Variants in CCDC33 observed in about 807,000 individuals in gnomAD.
CCDC33 encodes coiled-coil domain-containing protein 33.
A neutral mutation model predicts 91.9 loss-of-function variants in CCDC33; 94 were observed. The ratio of observed to expected loss-of-function variants is 1.02; its 90% CI spans 0.87 to 1.21. The LOEUF (loss-of-function observed/expected upper bound fraction) is 1.21. Among genes scored for constraint, CCDC33 ranks in the 50% most tolerant of loss-of-function variants. The pLI, the probability that CCDC33 is intolerant of heterozygous loss-of-function variation, is 0.00. For missense variants in CCDC33, 940 were observed against 935.5 expected (o/e 1.00, Z -0.06); for synonymous variants, 396 against 374.5 (o/e 1.06, Z -0.66).
At chr15:74,216,914 G>A (rs907020024), upstream of CCDC33, among the ~76,000 whole-genome samples, 1 of 151,918 alleles carries the variant, frequency 6.6e-6, no homozygotes, top group African/African-American at 2.4e-5. Flanking sequence ...TCCATATTTA[G>A]TGTTTATTTT....
intron 7 of CCDC33, among the ~76,000 whole-genome samples, chr15:74,275,963 C>T (rs1048245996): frequency 1.3e-5 from 2 of 152,212 alleles, no homozygotes; most frequent in Admixed American, 6.5e-5. Context: ...GGCACCGCAC[C>T]CAGCAGCACC....
chr15:74,261,736 A>G (rs1325078341), intron 2 of CCDC33, among the ~76,000 whole-genome samples: 1 of 152,124 alleles, frequency 6.6e-6, no homozygotes, highest in East Asian at 1.9e-4. Context: ...TGGGATGCAG[A>G]GGGCCCAAGC....
chr15:74,330,444 A>C, intron 12 of CCDC33, 90 bp downstream of exon 12: 1 of 1,392,078 alleles, frequency 7.2e-7, no homozygotes, highest in East Asian at 2.5e-5. Context: ...AGCTTCTCCC[A>C]GATGTGCATG....
chr15:74,234,687 G>A (rs763800833), upstream of CCDC33, among the ~76,000 whole-genome samples: 1 of 152,236 alleles, frequency 6.6e-6, no homozygotes, highest in Non-Finnish European at 1.5e-5. Context: ...CAGGAAGATG[G>A]CAGGGGCGTG....
chr15:74,285,592 G>A (rs980756281), intron 10 of CCDC33, among the ~76,000 whole-genome samples: 1 of 151,902 alleles, frequency 6.6e-6, no homozygotes, highest in Non-Finnish European at 1.5e-5. Context: ...ACCTCAGCAA[G>A]CCTCCTACAT....
At chr15:74,291,325 T>A (rs74481515) in intron 10 of CCDC33, among the ~76,000 whole-genome samples, 2 of 152,264 alleles carry the variant, frequency 1.3e-5, no homozygotes, top group Admixed American at 6.5e-5. Context: ...GGGGAACTGC[T>A]GCACAGGGCT....
At chr15:74,235,892 C>T (rs932631238), upstream of CCDC33, among the ~76,000 whole-genome samples, 2 of 152,238 alleles carry the variant, frequency 1.3e-5, no homozygotes, top group African/African-American at 2.4e-5. Context: ...CTCTTACCCT[C>T]TTCTCTCCCC....
chr15:74,221,729 G>T (rs1376084873), intron 2 of CCDC33, among the ~76,000 whole-genome samples: 1 of 152,138 alleles, frequency 6.6e-6, no homozygotes, highest in African/African-American at 2.4e-5. Context: ...GCAGGCAGGG[G>T]CTGCAGAGGG....
intron 10 of CCDC33, among the ~76,000 whole-genome samples, chr15:74,292,570 C>T (rs895508237): frequency 3.9e-5 from 6 of 152,172 alleles, no homozygotes; most frequent in African/African-American, 1.4e-4. Flanking sequence ...GTTTGGAGGT[C>T]TAAAGATTTC....
At chr15:74,270,568 G>T (rs2076286436) in intron 5 of CCDC33, among the ~76,000 whole-genome samples, 1 of 152,156 alleles carries the variant, frequency 6.6e-6, no homozygotes, top group Non-Finnish European at 1.5e-5. Flanking sequence ...GAACAGAAGT[G>T]GAGAGGCTAG....
chr15:74,306,771 G>A (rs929096476), intron 11 of CCDC33, among the ~76,000 whole-genome samples: 1 of 152,218 alleles, frequency 6.6e-6, no homozygotes, highest in Non-Finnish European at 1.5e-5. Flanking sequence ...GTACCCAGAA[G>A]ATCAGGCTCA....
At chr15:74,252,231 AGT>A (rs1028021263) in intron 2 of CCDC33, among the ~76,000 whole-genome samples, 1 of 152,148 alleles carries the variant, frequency 6.6e-6, no homozygotes, top group African/African-American at 2.4e-5. Flanking sequence ...TGCAGTGACT[AGT>A]GTGGAGACCC....
chr15:74,219,228 G>A (rs892314127), intron 2 of CCDC33, among the ~76,000 whole-genome samples: 1 of 152,142 alleles, frequency 6.6e-6, no homozygotes, highest in African/African-American at 2.4e-5. Flanking sequence ...CCACCCTCAA[G>A]CCCATCTAGC....
At chr15:74,334,845 G>C in intron 17 of CCDC33, 130 bp from the exon 18 acceptor site, 1 of 769,656 alleles carries the variant, frequency 1.3e-6, no homozygotes, top group Non-Finnish European at 2.2e-6. Flanking sequence ...GTCTCGGGAA[G>C]GTGTCAAGCC....
intron 16 of CCDC33, chr15:74,333,165 C>T: frequency 1.4e-6 from 2 of 1,420,848 alleles, no homozygotes; most frequent in Non-Finnish European, 1.9e-6. Context: ...TCAAAACTCC[C>T]TTCTGGAGCA....
At position 74,335,083 on chromosome 15, in the gene CCDC33, C is replaced by T; in HGVS notation, c.2134C>T (p.Gln712Ter). The stretch of plus-strand genomic sequence containing the variant: ...CCCCTCGAACTCCATCATCATAGAA[C>T]AGCCTGTGAGTGACCCCCCTGGAGT... ...RHPSNSIIIE[Q>*]PSALTHSMDL... The change falls in exon 18 of 19, where the codon CAG (glutamine) becomes TAG (stop). Residue 712 changes from glutamine (Q) to a stop codon, truncating the protein, a stop_gained. Transcript: ENST00000398814. LOFTEE classifies it low-confidence loss of function (END_TRUNC). 6.2e-7 allele frequency: 1 copy of T among 1,613,032 alleles called. No homozygotes were observed. Among genetic ancestry groups the T allele is most frequent in the Non-Finnish European group, 8.5e-7 (1 of 1,179,012 alleles).
At chr15:74,249,142 T>C (rs117736547) in intron 2 of CCDC33, among the ~76,000 whole-genome samples, 3,193 of 152,136 alleles carry the variant, frequency 0.021, 59 homozygotes, top group Non-Finnish European at 0.034. Context: ...GTCTGCAAAA[T>C]AGCTCATTTT....
intron 11 of CCDC33, among the ~76,000 whole-genome samples, chr15:74,308,410 A>G (rs905879744): frequency 2.8e-5 from 4 of 144,756 alleles, no homozygotes; most frequent in Admixed American, 1.4e-4. Context: ...TATCCAATCA[A>G]GTCCGCAGAT....
At chr15:74,280,240 G>A in intron 8 of CCDC33, 148 bp downstream of exon 8, 1 of 915,960 alleles carries the variant, frequency 1.1e-6, no homozygotes, top group South Asian at 1.7e-5. Flanking sequence ...GCAGAGGAGA[G>A]CTGGCTGCGT....
Sources: gnomAD v4.1 joint callset for allele counts (sites outside exome capture counted in the v4.1 genomes callset) on GRCh38, gnomAD v4.1.1 for gene constraint, MANE v1.5 for transcripts, NCBI Gene and HGNC (gene_info 2026-07-23, HGNC 2026-07-21) for gene names.